The following AQR variants were observed in gnomAD, a reference collection of about 807,000 sequenced individuals.
The protein encoded by AQR is RNA helicase aquarius.
AQR carries 61 observed loss-of-function variants against 180.5 expected under a neutral mutation model. That is an observed-to-expected ratio of 0.34 (90% CI 0.28 to 0.42). The LOEUF (loss-of-function observed/expected upper bound fraction) is 0.42, where lower values mean the gene tolerates loss of function less well. AQR is among the 10% of genes least tolerant of loss of function. AQR has a pLI of 1.00. For synonymous variants in AQR, 551 were observed against 588.8 expected (o/e 0.94, Z 0.93); for missense variants, 1,281 against 1,798.3 (o/e 0.71, Z 5.20).
At chr15:34,915,915 C>T (rs1893576132) in intron 15 of AQR, among the ~76,000 whole-genome samples, 2 of 151,474 alleles carry the variant, frequency 1.3e-5, no homozygotes, top group Non-Finnish European at 2.9e-5. Context: ...CCTTGCACTC[C>T]AGCCTGGGCA....
chr15:34,924,460 C>T (rs181066796), intron 13 of AQR, among the ~76,000 whole-genome samples: 334 of 149,970 alleles, frequency 2.2e-3, no homozygotes, highest in Non-Finnish European at 3.5e-3. Context: ...GAGACAGAGT[C>T]TCACTCTGTT....
At chr15:34,962,646 G>C (rs145028419) in intron 2 of AQR, among the ~76,000 whole-genome samples, 21 of 151,980 alleles carry the variant, frequency 1.4e-4, no homozygotes, top group Middle Eastern at 3.4e-3. Flanking sequence ...GCGTGCATCT[G>C]TAATCCCAGC....
At chr15:34,897,839 T>A in intron 20 of AQR, 134 bp from the exon 21 acceptor site, 1 of 957,320 alleles carries the variant, frequency 1.0e-6, no homozygotes, top group Non-Finnish European at 1.5e-6. Context: ...GATATCTGTA[T>A]GTAAACTCTG....
intron 19 of AQR, among the ~76,000 whole-genome samples, chr15:34,903,327 T>C (rs988506290): frequency 2.0e-4 from 31 of 152,234 alleles, no homozygotes; most frequent in Non-Finnish European, 3.8e-4. Flanking sequence ...TGGGAAACCA[T>C]TAAAGAATGT....
intron 3 of AQR, among the ~76,000 whole-genome samples, chr15:34,955,050 G>A (rs1026745581): frequency 9.9e-5 from 15 of 152,144 alleles, no homozygotes; most frequent in Non-Finnish European, 1.5e-4. Flanking sequence ...TTGAACCCAG[G>A]AGGCGGAGGT....
intron 1 of AQR, among the ~76,000 whole-genome samples, chr15:34,968,442 T>C (rs1444011119): frequency 6.6e-6 from 1 of 151,582 alleles, no homozygotes; most frequent in Non-Finnish European, 1.5e-5. Context: ...TTATTTTTAG[T>C]AGAGACGGGG....
intron 1 of AQR, among the ~76,000 whole-genome samples, chr15:34,966,690 A>C (rs2050311074): frequency 6.6e-6 from 1 of 152,182 alleles, no homozygotes; most frequent in Non-Finnish European, 1.5e-5. Flanking sequence ...TGTCAAATGG[A>C]TACATAAGTG....
Position 34,914,252 on chromosome 15 carries a change from T to C in AQR, c.1484+786A>G, listed in dbSNP as rs1893545323. On this transcript the variant is annotated intron_variant, in intron 16 of 34. Transcript: ENST00000156471. ...ATCAATTTCATACTTGATGAAATTG[T>C]GAATGAAATAGTGAATAAAGAGCAT... Among the ~76,000 whole-genome samples the C allele has an allele frequency of 2.0e-5, 3 of 152,170 alleles. No individual in the cohort carries two copies. In the South Asian group the frequency reaches 6.2e-4, roughly 32 times the overall value.
At chr15:34,882,383 T>C in intron 27 of AQR, 119 bp downstream of exon 27, 1 of 1,132,010 alleles carries the variant, frequency 8.8e-7, no homozygotes, top group East Asian at 2.8e-5. Flanking sequence ...ACAAGGGATA[T>C]TATCATCCAC....
Position 34,960,808 on chromosome 15 carries a change from C to T in AQR, c.139G>A (p.Glu47Lys). 1 of 881,836 alleles carries T rather than the reference C, an allele frequency of 1.1e-6. No homozygotes were observed. The highest frequency in any genetic ancestry group is 1.6e-5 in the South Asian group (1 of 62,802). 54.6% of individuals were successfully genotyped at this position (881,836 alleles called of 1,614,324 possible). The change falls in exon 3 of 35, where the codon GAA (glutamate) becomes AAA (lysine). Residue 47 changes from glutamate to lysine, a missense_variant. Glu to Lys is a moderately conservative substitution (Grantham distance 56). Coordinates refer to ENST00000156471, the MANE Select transcript of AQR (RefSeq NM_014691.3). Reference sequence around the variant, plus strand: ...ACAATCTCTTTTTCATATATATCTTCAATAACCTGTTATAAAAATATAAAA... The same window carrying T: ...ACAATCTCTTTTTCATATATATCTTTAATAACCTGTTATAAAAATATAAAA... The part of the protein sequence containing the change: ...KKSPFDIKVI[E>K]DIYEKEIVKS...
chr15:34,895,893 A>G (rs950266044), intron 22 of AQR, among the ~76,000 whole-genome samples: 1 of 152,248 alleles, frequency 6.6e-6, no homozygotes, highest in African/African-American at 2.4e-5. Flanking sequence ...CCAGAACAAC[A>G]GAATACACAT....
At chr15:34,903,496 C>CAG (rs1187823508) in intron 19 of AQR, among the ~76,000 whole-genome samples, 1 of 152,104 alleles carries the variant, frequency 6.6e-6, no homozygotes, top group Non-Finnish European at 1.5e-5. Flanking sequence ...ATGAGCTAAT[C>CAG]AGACTTACTG....
intron 7 of AQR, 21 bp from the exon 8 acceptor site, chr15:34,941,020 T>G (rs754848541): frequency 2.6e-6 from 4 of 1,518,482 alleles, no homozygotes; most frequent in Non-Finnish European, 3.6e-6. Context: ...GATGTGTTAT[T>G]AAATTACCAG....
At position 34,943,521 on chromosome 15, in the gene AQR, G is replaced by A. The variant is rs77832513; in HGVS notation, c.471+767C>T. The A allele has an allele frequency of 6.3e-3, 2,122 of 335,906 alleles. 49 individuals are homozygous for A. Among genetic ancestry groups the A allele is most frequent in the African/African-American group, 0.041 (1,925 of 46,464 alleles). 20.8% of individuals were successfully genotyped at this position (335,906 alleles called of 1,614,324 possible). On this transcript the variant is annotated intron_variant, in intron 6 of 34. Transcript: ENST00000156471. Reference sequence around the variant, plus strand: ...AGAGATAACAGTGGTATCCAGTGCAGGCATCATAAATCTTTTTTTATGCCT... The same window carrying A: ...AGAGATAACAGTGGTATCCAGTGCAAGCATCATAAATCTTTTTTTATGCCT...
In AQR at chr15:34,856,415, A is replaced by G. The variant is rs1339109089; in HGVS notation, c.*377T>C. The G allele has an allele frequency of 1.8e-5, 7 of 397,666 alleles. No homozygotes were observed. The highest frequency in any genetic ancestry group is 1.4e-4 in the South Asian group (1 of 7,354). The allele number at this position is 397,666 out of a possible 1,614,324, so 24.6% of individuals were successfully genotyped here. Reference sequence around the variant, plus strand: ...AACAGAAGAAACAAGTTCCTTCCCAATTTGGACACTCAAGGGTATTCGTGG... The same window carrying G: ...AACAGAAGAAACAAGTTCCTTCCCAGTTTGGACACTCAAGGGTATTCGTGG... On this transcript the variant is annotated 3_prime_UTR_variant, in exon 35 of 35. Coordinates refer to ENST00000156471, the MANE Select transcript of AQR (RefSeq NM_014691.3).
At chr15:34,865,282 T>G (rs1308630474) in intron 32 of AQR, among the ~76,000 whole-genome samples, 1 of 152,142 alleles carries the variant, frequency 6.6e-6, no homozygotes, top group East Asian at 1.9e-4. Context: ...TTTCTATTGG[T>G]AGCTAGGCTG....
chr15:34,893,922 G>A, intron 22 of AQR, 149 bp from the exon 23 acceptor site: 2 of 619,560 alleles, frequency 3.2e-6, no homozygotes, highest in Non-Finnish European at 5.6e-6. Flanking sequence ...AAGAAGAGTT[G>A]GTGAACTTTG....
chr15:34,968,861 A>C (rs1332041306), intron 1 of AQR, among the ~76,000 whole-genome samples: 2 of 152,212 alleles, frequency 1.3e-5, no homozygotes, highest in African/African-American at 2.4e-5. Context: ...AGGAATAAAG[A>C]ATAAAGAAGC....
rs563666703 is a variant in AQR at position 34,969,049 on chromosome 15, G to C, written c.75+490C>G. The stretch of plus-strand genomic sequence containing the variant: ...TCTAAATGAACGCTCTCAAACTACA[G>C]AATTACTCTGTTTTTAGATAGGTCT... On this transcript the variant is annotated intron_variant, in intron 1 of 34. Transcript: ENST00000156471. Among the ~76,000 whole-genome samples the C allele has an allele frequency of 2.1e-4, 32 of 152,266 alleles. 2 individuals are homozygous for C. The highest frequency in any genetic ancestry group is 2.0e-3 in the Admixed American group (30 of 15,296).
Sources: gnomAD v4.1 joint callset for allele counts (sites outside exome capture counted in the v4.1 genomes callset) on GRCh38, gnomAD v4.1.1 for gene constraint, MANE v1.5 for transcripts, NCBI Gene and HGNC (gene_info 2026-07-23, HGNC 2026-07-21) for gene names.